URI1: variants seen among roughly 807,000 people sequenced by gnomAD.
The protein encoded by URI1 is URI1 prefoldin like chaperone.
Under a neutral mutation model 60.2 loss-of-function variants are expected in URI1, and 39 were observed. The observed-to-expected ratio is 0.65, with a 90% CI of 0.50 to 0.85. The LOEUF (loss-of-function observed/expected upper bound fraction) is 0.85. Among genes scored for constraint, URI1 ranks in the 40% least tolerant of loss-of-function variants. The probability of loss-of-function intolerance (pLI) is 0.00; values close to 1 mark genes in which losing one functional copy is unlikely to be tolerated. For missense variants in URI1, 691 were observed against 665.9 expected (o/e 1.04, Z -0.42); for synonymous variants, 251 against 236.8 (o/e 1.06, Z -0.55).
At chr19:29,930,338 A>G (rs1599645243) in intron 1 of URI1, among the ~76,000 whole-genome samples, 1 of 152,122 alleles carries the variant, frequency 6.6e-6, no homozygotes, top group East Asian at 1.9e-4. Context: ...TATTTGAGAA[A>G]CCATTGCCAA....
chr19:30,013,573 G>GTACA (rs2056049488), intron 10 of URI1, among the ~76,000 whole-genome samples: 1 of 152,150 alleles, frequency 6.6e-6, no homozygotes, highest in Non-Finnish European at 1.5e-5. Flanking sequence ...GTGTATCATG[G>GTACA]TACAGCTAGA....
intron 4 of URI1, among the ~76,000 whole-genome samples, chr19:30,000,748 C>T (rs142605322): frequency 5.9e-5 from 9 of 151,998 alleles, no homozygotes; most frequent in East Asian, 3.9e-4. Context: ...ACCTTGAAGC[C>T]GTGCTATGGA....
chr19:29,971,220 C>G lies in URI1; in HGVS notation c.145C>G (p.Gln49Glu). ...GGTCACTAACTGCCAAGAGAGAATCCAGCATTGGTGAGTGAAAGATGGTTT... is the reference window on the plus strand; with the variant it reads ...GGTCACTAACTGCCAAGAGAGAATCGAGCATTGGTGAGTGAAAGATGGTTT... ...KVVTNCQERI[Q>E]HWKKVDNDYN... Residue 49 changes from glutamine to glutamate, a missense_variant, in exon 2 of 11, where the codon CAG becomes GAG. Gln to Glu is a conservative substitution (Grantham distance 29). Transcript: ENST00000392271. 1 of 1,613,158 alleles carries G rather than the reference C, an allele frequency of 6.2e-7. No individual in the cohort carries two copies. Among genetic ancestry groups the G allele is most frequent in the Non-Finnish European group, 8.5e-7 (1 of 1,179,376 alleles).
chr19:29,962,275 C>T (rs1216544994), intron 1 of URI1, among the ~76,000 whole-genome samples: 3 of 148,124 alleles, frequency 2.0e-5, no homozygotes, highest in East Asian at 2.0e-4. Context: ...TTTTTTTTTT[C>T]CTTCCTTTGG....
At chr19:29,959,397 G>T (rs2055293182) in intron 1 of URI1, among the ~76,000 whole-genome samples, 1 of 152,176 alleles carries the variant, frequency 6.6e-6, no homozygotes, top group African/African-American at 2.4e-5. Flanking sequence ...CAAAATGATG[G>T]ACTACAGGCT....
chr19:29,956,285 CTTTT>C (rs369678110), intron 1 of URI1: 40 of 375,134 alleles, frequency 1.1e-4, no homozygotes, highest in East Asian at 3.1e-4. Flanking sequence ...CCAGAGTAGT[CTTTT>C]TTTTTTTTTT....
At chr19:29,963,139 T>A (rs1365177899) in intron 1 of URI1, among the ~76,000 whole-genome samples, 1 of 152,210 alleles carries the variant, frequency 6.6e-6, no homozygotes, top group Non-Finnish European at 1.5e-5. Context: ...TGGAGTTTCT[T>A]CAGTCTATCG....
intron 2 of URI1, among the ~76,000 whole-genome samples, chr19:29,984,501 T>A (rs1048788485): frequency 6.6e-6 from 1 of 152,160 alleles, no homozygotes; most frequent in Non-Finnish European, 1.5e-5. Context: ...TCTTTTACTG[T>A]CTCCCTTAAT....
At chr19:30,008,978 G>A in intron 7 of URI1, 27 bp from the exon 8 acceptor site, 5 of 1,523,358 alleles carry the variant, frequency 3.3e-6, no homozygotes, top group Non-Finnish European at 3.6e-6. Context: ...ATGTTTGTTT[G>A]ATCTTGTTAA....
chr19:30,005,456 A>C lies in URI1; in HGVS notation c.459+4A>C. Reference sequence around the variant, plus strand: ...AGATTTGCAGAAAATGAGCGATGTGAGTATTTGTTTTTAGTCTTCTATATT... The same window carrying C: ...AGATTTGCAGAAAATGAGCGATGTGCGTATTTGTTTTTAGTCTTCTATATT... On this transcript the variant is annotated splice_donor_region_variant and intron_variant, in intron 5 of 10. Transcript: ENST00000392271. The C allele has an allele frequency of 6.3e-7, 1 of 1,587,736 alleles. No homozygotes were observed. Among genetic ancestry groups the C allele is most frequent in the Non-Finnish European group, 8.5e-7 (1 of 1,170,208 alleles).
chr19:30,007,716 A>G, intron 7 of URI1, 78 bp downstream of exon 7: 1 of 1,285,724 alleles, frequency 7.8e-7, no homozygotes, highest in Non-Finnish European at 1.1e-6. Flanking sequence ...CTTCATTAAT[A>G]AAATAATATG....
At chr19:29,960,569 A>G (rs1323618128) in intron 1 of URI1, among the ~76,000 whole-genome samples, 4 of 152,044 alleles carry the variant, frequency 2.6e-5, no homozygotes, top group Non-Finnish European at 5.9e-5. Context: ...TTTGTTGGAT[A>G]TTAGTATTAG....
At chr19:29,979,932 T>G (rs918876464) in intron 2 of URI1, among the ~76,000 whole-genome samples, 1 of 152,208 alleles carries the variant, frequency 6.6e-6, no homozygotes, top group African/African-American at 2.4e-5. Context: ...ATTTAAATTT[T>G]CCATGAGGAG....
chr19:29,956,133 C>T (rs957172171), intron 1 of URI1, among the ~76,000 whole-genome samples: 5 of 151,602 alleles, frequency 3.3e-5, no homozygotes, highest in South Asian at 2.1e-4. Context: ...TACAGGTGCC[C>T]GCCACCACAC....
At chr19:29,995,078 G>A (rs562347064) in intron 4 of URI1, among the ~76,000 whole-genome samples, 5 of 152,108 alleles carry the variant, frequency 3.3e-5, no homozygotes, top group Admixed American at 6.5e-5. Context: ...CACCACGCCC[G>A]GCCCTATGTT....
intron 4 of URI1, among the ~76,000 whole-genome samples, chr19:29,987,995 T>A (rs954277787): frequency 6.6e-6 from 1 of 150,618 alleles, no homozygotes; most frequent in African/African-American, 2.4e-5. Context: ...TGGTAAAACC[T>A]CGTCTCTACT....
intron 9 of URI1, 39 bp from the exon 10 acceptor site, chr19:30,012,246 T>A (rs1156999660): frequency 6.4e-7 from 1 of 1,566,214 alleles, no homozygotes; most frequent in Non-Finnish European, 8.7e-7. Context: ...GTTTTATGAG[T>A]TACGTATAGT....
chr19:29,959,563 A>G (rs1441521171), intron 1 of URI1, among the ~76,000 whole-genome samples: 1 of 152,092 alleles, frequency 6.6e-6, no homozygotes, highest in Non-Finnish European at 1.5e-5. Flanking sequence ...GACTATCCAG[A>G]TTTTCTGTTT....
Position 30,012,466 on chromosome 19 carries a change from A to G in URI1, c.1360A>G (p.Ser454Gly), listed in dbSNP as rs1453684819. 1 of 1,614,092 alleles carries G rather than the reference A, an allele frequency of 6.2e-7. No homozygotes were observed. The highest frequency in any genetic ancestry group is 8.5e-7 in the Non-Finnish European group (1 of 1,180,028). ...EEATCSDTSE[S>G]ILEEEPQENQ... The stretch of plus-strand genomic sequence containing the variant: ...AGCCACTTGCAGTGACACCAGTGAG[A>G]GCATTTTGGAAGAGGAACCACAAGA... The change falls in exon 10 of 11, where the codon AGC becomes GGC. Residue 454 changes from serine to glycine, a missense_variant. Ser to Gly is a moderately conservative substitution (Grantham distance 56). Transcript: ENST00000392271.
Sources: gnomAD v4.1 joint callset for allele counts (sites outside exome capture counted in the v4.1 genomes callset) on GRCh38, gnomAD v4.1.1 for gene constraint, MANE v1.5 for transcripts, NCBI Gene and HGNC (gene_info 2026-07-23, HGNC 2026-07-21) for gene names.